PCDH15: variants seen among roughly 807,000 people sequenced by gnomAD.
PCDH15 encodes protocadherin related 15.
PCDH15 carries 129 observed loss-of-function variants against 178.5 expected under a neutral mutation model. The ratio of observed to expected loss-of-function variants is 0.72; its 90% CI spans 0.63 to 0.84. The LOEUF (loss-of-function observed/expected upper bound fraction) is 0.84, where lower values mean the gene tolerates loss of function less well. PCDH15 is among the 40% of genes least tolerant of loss of function. PCDH15 has a pLI of 0.00. For missense variants in PCDH15, 2,230 were observed against 2,099.9 expected (o/e 1.06, Z -1.21); for synonymous variants, 800 against 732.0 (o/e 1.09, Z -1.50).
intron 2 of PCDH15, among the ~76,000 whole-genome samples, chr10:55,504,373 T>C (rs1417050917): frequency 2.6e-5 from 4 of 151,544 alleles, no homozygotes; most frequent in African/African-American, 9.6e-5. Flanking sequence ...TATATTTCAT[T>C]ATTTTTAAAA....
intron 8 of PCDH15, among the ~76,000 whole-genome samples, chr10:54,251,273 T>C (rs574542457): frequency 2.0e-5 from 3 of 152,216 alleles, no homozygotes; most frequent in Middle Eastern, 3.2e-3. Flanking sequence ...TTTCCAAGTA[T>C]TTGTCTGTGC....
chr10:55,390,290 A>C (rs1040977723), intron 2 of PCDH15, among the ~76,000 whole-genome samples: 6 of 152,150 alleles, frequency 3.9e-5, no homozygotes, highest in Admixed American at 3.9e-4. Context: ...AGTGAATCCT[A>C]ATCTTTTTTG....
intron 2 of PCDH15, among the ~76,000 whole-genome samples, chr10:54,955,246 A>G (rs1455983510): frequency 6.6e-6 from 1 of 151,252 alleles, no homozygotes; most frequent in East Asian, 1.9e-4. Flanking sequence ...AAATAATTAT[A>G]TTGCTCCACA....
chr10:55,420,011 T>C (rs1458354522), intron 2 of PCDH15, among the ~76,000 whole-genome samples: 2 of 151,734 alleles, frequency 1.3e-5, no homozygotes, highest in Non-Finnish European at 2.9e-5. Context: ...CATTTAGTAA[T>C]ATTGTTAAAC....
intron 9 of PCDH15, among the ~76,000 whole-genome samples, chr10:54,228,696 AG>A: frequency 6.6e-6 from 1 of 152,316 alleles, no homozygotes; most frequent in Admixed American, 6.5e-5. Context: ...CAGTTCAAGA[AG>A]AGAGAACTCA....
At chr10:53,825,263 C>G (rs553843037) in intron 32 of PCDH15, 2 of 1,158,822 alleles carry the variant, frequency 1.7e-6, no homozygotes, top group East Asian at 3.0e-5. Context: ...ACACTTAGTA[C>G]GTATATCAAA....
intron 25 of PCDH15, among the ~76,000 whole-genome samples, chr10:53,905,759 G>C (rs2082639708): frequency 6.6e-6 from 1 of 152,044 alleles, no homozygotes; most frequent in South Asian, 2.1e-4. Flanking sequence ...TCAGTGGCCT[G>C]TATCAGATAT....
At chr10:55,452,613 A>G (rs1839461321) in intron 2 of PCDH15, among the ~76,000 whole-genome samples, 1 of 152,170 alleles carries the variant, frequency 6.6e-6, no homozygotes, top group South Asian at 2.1e-4. Flanking sequence ...TGTATACTCC[A>G]GAATCTGAAA....
chr10:54,880,971 A>C (rs1954252606), intron 3 of PCDH15, among the ~76,000 whole-genome samples: 1 of 151,904 alleles, frequency 6.6e-6, no homozygotes, highest in Admixed American at 6.6e-5. Flanking sequence ...ATACTCCTGT[A>C]GGTTCTCTCC....
chr10:54,214,346 T>C (rs2051769463), intron 9 of PCDH15, among the ~76,000 whole-genome samples: 1 of 151,990 alleles, frequency 6.6e-6, no homozygotes, highest in South Asian at 2.1e-4. Flanking sequence ...GGAGGGAGAG[T>C]AAATTTTTTA....
intron 8 of PCDH15, among the ~76,000 whole-genome samples, chr10:54,245,055 G>A (rs2055785140): frequency 6.6e-6 from 1 of 152,080 alleles, no homozygotes; most frequent in Non-Finnish European, 1.5e-5. Context: ...GGACCTCCTT[G>A]TTAGCAGGGA....
At chr10:54,722,119 TATG>T (rs1239672760) in intron 1 of PCDH15, among the ~76,000 whole-genome samples, 1 of 151,642 alleles carries the variant, frequency 6.6e-6, no homozygotes, top group Non-Finnish European at 1.5e-5. Flanking sequence ...AGAAAAAACA[TATG>T]ATTATCTCAA....
At chr10:53,873,381 T>C (rs1215657157) in intron 26 of PCDH15, among the ~76,000 whole-genome samples, 1 of 152,240 alleles carries the variant, frequency 6.6e-6, no homozygotes, top group African/African-American at 2.4e-5. Context: ...TAACATTTAT[T>C]GAACACTTAC....
chr10:55,265,199 T>C (rs1842252396), intron 1 of PCDH15, among the ~76,000 whole-genome samples: 1 of 151,994 alleles, frequency 6.6e-6, no homozygotes, highest in African/African-American at 2.4e-5. Flanking sequence ...TTCCAGGTCC[T>C]CTTCTCCCAA....
intron 2 of PCDH15, among the ~76,000 whole-genome samples, chr10:54,917,122 G>C (rs963721625): frequency 6.6e-6 from 1 of 152,158 alleles, no homozygotes; most frequent in African/African-American, 2.4e-5. Flanking sequence ...TAATATATTA[G>C]TTGGACCATA....
At chr10:54,406,677 C>T (rs780751026) in intron 3 of PCDH15, among the ~76,000 whole-genome samples, 2 of 152,080 alleles carry the variant, frequency 1.3e-5, no homozygotes, top group Non-Finnish European at 2.9e-5. Context: ...ACCTTTGTAA[C>T]ACATGATGCT....
intron 3 of PCDH15, among the ~76,000 whole-genome samples, chr10:54,835,237 G>A (rs998624416): frequency 1.5e-4 from 23 of 152,142 alleles, no homozygotes; most frequent in Admixed American, 9.2e-4. Context: ...CTTCATGGTC[G>A]CAATGAATTA....
At chr10:55,199,129 A>G (rs1473248018) in intron 1 of PCDH15, among the ~76,000 whole-genome samples, 1 of 152,104 alleles carries the variant, frequency 6.6e-6, no homozygotes, top group East Asian at 1.9e-4. Flanking sequence ...GGCTCAGAAG[A>G]AGACAGGGAA....
At chr10:54,739,528 C>T (rs1944517948) in intron 1 of PCDH15, among the ~76,000 whole-genome samples, 4 of 150,876 alleles carry the variant, frequency 2.7e-5, no homozygotes, top group Non-Finnish European at 5.9e-5. Flanking sequence ...AATACTATCC[C>T]TATCAACATA....
Sources: gnomAD v4.1 joint callset for allele counts (sites outside exome capture counted in the v4.1 genomes callset) on GRCh38, gnomAD v4.1.1 for gene constraint, MANE v1.5 for transcripts, NCBI Gene and HGNC (gene_info 2026-07-23, HGNC 2026-07-21) for gene names.